The following LCLAT1 variants were observed in gnomAD, a reference collection of about 807,000 sequenced individuals.
The protein encoded by LCLAT1 is lysocardiolipin acyltransferase 1.
Under a neutral mutation model 30.7 loss-of-function variants are expected in LCLAT1, and 11 were observed. That is an observed-to-expected ratio of 0.36 (90% CI 0.23 to 0.59). LCLAT1 has a LOEUF of 0.59. Among genes scored for constraint, LCLAT1 ranks in the 20% least tolerant of loss-of-function variants. The probability of loss-of-function intolerance (pLI) is 0.77; values close to 1 mark genes in which losing one functional copy is unlikely to be tolerated. For synonymous variants in LCLAT1, 155 were observed against 151.3 expected (o/e 1.02, Z -0.18); for missense variants, 402 against 458.6 (o/e 0.88, Z 1.13).
intron 3 of LCLAT1, among the ~76,000 whole-genome samples, chr2:30,559,765 T>C (rs1665106047): frequency 6.6e-6 from 1 of 152,244 alleles, no homozygotes; most frequent in Non-Finnish European, 1.5e-5. Context: ...ATTGTTTTCA[T>C]GTGGCTCTTG....
At chr2:30,463,853 A>G (rs546507577) in intron 1 of LCLAT1, among the ~76,000 whole-genome samples, 2 of 152,362 alleles carry the variant, frequency 1.3e-5, no homozygotes, top group South Asian at 4.1e-4. Context: ...TTATATGGCT[A>G]TGCCATAATT....
chr2:30,593,940 A>G (rs1666805842), intron 5 of LCLAT1, among the ~76,000 whole-genome samples: 3 of 142,356 alleles, frequency 2.1e-5, no homozygotes, highest in Admixed American at 7.1e-5. Context: ...AAAAAAAAAG[A>G]CATGTAAAAT....
chr2:30,636,380 T>TA (rs1669025920), intron 5 of LCLAT1, among the ~76,000 whole-genome samples: 1 of 152,126 alleles, frequency 6.6e-6, no homozygotes, highest in African/African-American at 2.4e-5. Context: ...GAGGTAAAGT[T>TA]AGAGAAAAAG....
At chr2:30,535,812 C>T (rs1686214826) in intron 3 of LCLAT1, among the ~76,000 whole-genome samples, 1 of 151,952 alleles carries the variant, frequency 6.6e-6, no homozygotes, top group Admixed American at 6.6e-5. Flanking sequence ...TAATATACCC[C>T]AAAGTAAAGG....
At chr2:30,504,838 G>C (rs549716848) in intron 1 of LCLAT1, among the ~76,000 whole-genome samples, 1 of 152,128 alleles carries the variant, frequency 6.6e-6, no homozygotes, top group African/African-American at 2.4e-5. Flanking sequence ...AGAGGCAACC[G>C]CATGTGTCAT....
At chr2:30,555,919 G>A (rs1214792645) in intron 3 of LCLAT1, among the ~76,000 whole-genome samples, 1 of 148,160 alleles carries the variant, frequency 6.7e-6, no homozygotes, top group Non-Finnish European at 1.5e-5. Context: ...CTCACTGCAA[G>A]CTCCGCCTCC....
At chr2:30,456,404 G>T (rs1681837633) in intron 1 of LCLAT1, among the ~76,000 whole-genome samples, 1 of 139,346 alleles carries the variant, frequency 7.2e-6, no homozygotes, top group South Asian at 2.5e-4. Flanking sequence ...CCCTGGCAGG[G>T]GAAGGGGGTC....
In LCLAT1 at chr2:30,642,423, AAAG is replaced by A. The variant is rs1669368158; in HGVS notation, c.*1805_*1807del. ...TTCTTTTTTTTTTTTTTTTTTTAAAAAAGCACCTTTTTTTGTTGTTTCCCCTTA... is the reference window on the plus strand; with the variant it reads ...TTCTTTTTTTTTTTTTTTTTTTAAAACACCTTTTTTTGTTGTTTCCCCTTA... On this transcript the variant is annotated 3_prime_UTR_variant, in exon 6 of 6. Transcript: ENST00000379509. 1 of 150,864 alleles carries A rather than the reference AAAG, an allele frequency of 6.6e-6. No individual in the cohort carries two copies. Among genetic ancestry groups the A allele is most frequent in the African/African-American group, 2.4e-5 (1 of 41,052 alleles). The allele number at this position is 150,864 out of a possible 1,614,324, so 9.3% of individuals were successfully genotyped here.
intron 1 of LCLAT1, among the ~76,000 whole-genome samples, chr2:30,467,611 C>G (rs1288510824): frequency 6.6e-6 from 1 of 152,190 alleles, no homozygotes; most frequent in East Asian, 1.9e-4. Flanking sequence ...TGTTTCTTGA[C>G]TTTTTAATGA....
At chr2:30,534,938 C>T (rs1268462109) in intron 3 of LCLAT1, among the ~76,000 whole-genome samples, 1 of 152,074 alleles carries the variant, frequency 6.6e-6, no homozygotes, top group Non-Finnish European at 1.5e-5. Flanking sequence ...ATTGATTCTA[C>T]ATGAGATATA....
chr2:30,483,837 G>T (rs1683435607), intron 1 of LCLAT1, among the ~76,000 whole-genome samples: 2 of 152,170 alleles, frequency 1.3e-5, no homozygotes, highest in African/African-American at 2.4e-5. Flanking sequence ...GGGCAGCATA[G>T]TGAATGGGAA....
chr2:30,529,215 A>C (rs1311858578), intron 2 of LCLAT1, among the ~76,000 whole-genome samples: 1 of 152,250 alleles, frequency 6.6e-6, no homozygotes, highest in Non-Finnish European at 1.5e-5. Flanking sequence ...CTTCTCTTTC[A>C]TTAAGTTTCT....
intron 1 of LCLAT1, among the ~76,000 whole-genome samples, chr2:30,497,558 C>T (rs1461632462): frequency 6.6e-6 from 1 of 152,122 alleles, no homozygotes; most frequent in Admixed American, 6.5e-5. Context: ...TCATTTGTAG[C>T]AGCCTCTGAC....
intron 5 of LCLAT1, among the ~76,000 whole-genome samples, chr2:30,594,351 C>T (rs1436608034): frequency 6.6e-6 from 1 of 152,166 alleles, no homozygotes; most frequent in African/African-American, 2.4e-5. Context: ...TTACAGCGAA[C>T]ACCCATACAC....
At chr2:30,598,196 G>T (rs1264158178) in intron 5 of LCLAT1, among the ~76,000 whole-genome samples, 1 of 152,082 alleles carries the variant, frequency 6.6e-6, no homozygotes, top group Admixed American at 6.5e-5. Context: ...CGTTTGTTTG[G>T]AATAGTTTTG....
intron 3 of LCLAT1, among the ~76,000 whole-genome samples, chr2:30,534,479 C>T (rs908725253): frequency 6.6e-5 from 10 of 152,094 alleles, no homozygotes; most frequent in African/African-American, 4.8e-5. Context: ...GGGGTTTCAC[C>T]GTGTTAGCCA....
intron 3 of LCLAT1, among the ~76,000 whole-genome samples, chr2:30,550,335 G>T (rs1664625634): frequency 6.6e-6 from 1 of 152,182 alleles, no homozygotes; most frequent in Non-Finnish European, 1.5e-5. Flanking sequence ...ACTTTATTCA[G>T]ACTTCACCAA....
intron 1 of LCLAT1, among the ~76,000 whole-genome samples, chr2:30,488,553 C>G (rs748832745): frequency 6.6e-6 from 1 of 152,156 alleles, no homozygotes; most frequent in Non-Finnish European, 1.5e-5. Flanking sequence ...CTTGGTTGTC[C>G]CTAGCTCTTG....
At chr2:30,574,053 A>G (rs1665893579) in intron 5 of LCLAT1, among the ~76,000 whole-genome samples, 1 of 151,986 alleles carries the variant, frequency 6.6e-6, no homozygotes, top group Non-Finnish European at 1.5e-5. Flanking sequence ...GAGGCACGGG[A>G]ATCGCTTGAA....
Sources: gnomAD v4.1 joint callset for allele counts (sites outside exome capture counted in the v4.1 genomes callset) on GRCh38, gnomAD v4.1.1 for gene constraint, MANE v1.5 for transcripts, NCBI Gene and HGNC (gene_info 2026-07-23, HGNC 2026-07-21) for gene names.